Variants in CDKN1B observed in about 807,000 individuals in gnomAD.
CDKN1B encodes cyclin-dependent kinase inhibitor 1B.
A neutral mutation model predicts 17.1 loss-of-function variants in CDKN1B; 7 were observed. That is an observed-to-expected ratio of 0.41 (90% CI 0.23 to 0.77). The LOEUF (loss-of-function observed/expected upper bound fraction) is 0.77. Ranked by LOEUF, CDKN1B falls within the 30% of genes least tolerant of loss-of-function variation. The pLI is 0.33. For missense variants in CDKN1B, 337 were observed against 262.0 expected, an observed-to-expected ratio of 1.29 and a Z score of -1.98; for synonymous variants, 149 against 104.3, an observed-to-expected ratio of 1.43 and a Z score of -2.61.
rs1367446982 is a variant in CDKN1B, at chr12:12,717,920, G to A, written c.81G>A (p.Ser27=). The part of the protein sequence containing the change: ...DARQAEHPKP[S]ACRNLFGPVD... Reference sequence around the variant, plus strand: ...GGCAGGCGGAGCACCCCAAGCCCTCGGCCTGCAGGAACCTCTTCGGCCCGG... The same window carrying A: ...GGCAGGCGGAGCACCCCAAGCCCTCAGCCTGCAGGAACCTCTTCGGCCCGG... Residue 27 remains serine, a synonymous_variant, in exon 1 of 3, where the codon TCG becomes TCA. Transcript: ENST00000228872. 6.2e-7 allele frequency: 1 copy of A among 1,614,208 alleles called. No homozygotes were observed. Among genetic ancestry groups the A allele is most frequent in the Non-Finnish European group, 8.5e-7 (1 of 1,180,042 alleles).
At position 12,717,686 on chromosome 12, in the gene CDKN1B, T is replaced by C. The variant is rs1300505886; in HGVS notation, c.-154T>C. ...CGCAGCCCCTGCGCGCTCCTAGAGC[T>C]CGGGCCGTGGCTCGTCGGGGTCTGT... On this transcript the variant is annotated 5_prime_UTR_variant, in exon 1 of 3. Coordinates refer to ENST00000228872, the MANE Select transcript of CDKN1B (RefSeq NM_004064.5). The C allele has an allele frequency of 1.3e-6, 2 of 1,530,362 alleles. No homozygotes were observed. Among genetic ancestry groups the C allele is most frequent in the Admixed American group, 4.0e-5 (2 of 49,834 alleles). The allele number at this position is 1,530,362 out of a possible 1,614,324, so 94.8% of individuals were successfully genotyped here.
At position 12,718,171 on chromosome 12, in the gene CDKN1B, G is replaced by A. The variant is rs751007940; in HGVS notation, c.332G>A (p.Gly111Glu). 4 of 1,613,218 alleles carry A rather than the reference G, an allele frequency of 2.5e-6. No homozygotes were observed. The African/African-American group carries it at 4.0e-5, about 16-fold the overall frequency. Reference sequence around the variant, plus strand: ...GCGCAGGAGAGCCAGGATGTCAGCGGGAGCCGCCCGGCGGCGCCTTTAATT... The same window carrying A: ...GCGCAGGAGAGCCAGGATGTCAGCGAGAGCCGCCCGGCGGCGCCTTTAATT... ...VPAQESQDVSGSRPAAPLIGA... is the reference protein window; with the variant it reads ...VPAQESQDVSESRPAAPLIGA... The change falls in exon 1 of 3, where the codon GGG (glycine) becomes GAG (glutamate). Residue 111 changes from glycine to glutamate, a missense_variant. Coordinates refer to ENST00000228872, the MANE Select transcript of CDKN1B (RefSeq NM_004064.5).
In CDKN1B at chr12:12,719,201, G is replaced by A; in HGVS notation, c.*8+247G>A. 3 of 490,304 alleles carry A rather than the reference G, an allele frequency of 6.1e-6. No homozygotes were observed. In the South Asian group the frequency reaches 6.4e-5, roughly 10 times the overall value. The allele number at this position is 490,304 out of a possible 1,614,324, so 30.4% of individuals were successfully genotyped here. On this transcript the variant is annotated intron_variant, in intron 2 of 2. Transcript: ENST00000228872. ...CTACTTGTAACCCAGGCCCCATCGG[G>A]TAGGAAGGTCGTTTCCCTGTGAGTC...
rs1412064500 is a variant in CDKN1B at position 12,722,107 on chromosome 12, CTGTAA to C, written c.*1081_*1085del. On this transcript the variant is annotated 3_prime_UTR_variant, in exon 3 of 3. Transcript: ENST00000228872. ...TTGAAGTGTACCTGTGTACATAACTCTGTAAAAACACTGAAAAATTATACTAACTT... is the reference window on the plus strand; with the variant it reads ...TTGAAGTGTACCTGTGTACATAACTCAAACACTGAAAAATTATACTAACTT... 1 of 152,312 alleles carries C rather than the reference CTGTAA, an allele frequency of 6.6e-6. No individual in the cohort carries two copies. The highest frequency in any genetic ancestry group is 2.4e-5 in the African/African-American group (1 of 41,424). The allele number at this position is 152,312 out of a possible 1,614,324, so 9.4% of individuals were successfully genotyped here. A position where few individuals can be genotyped will look rare whatever the true frequency, so the allele number is the denominator to read the frequency against.
rs760437244 is a variant in CDKN1B at position 12,721,858 on chromosome 12, A to C, written c.*831A>C. On this transcript the variant is annotated 3_prime_UTR_variant, in exon 3 of 3. Coordinates refer to ENST00000228872, the MANE Select transcript of CDKN1B (RefSeq NM_004064.5). The stretch of plus-strand genomic sequence containing the variant: ...TTTTCACTTCGGGCTGTGTAAACAC[A>C]GTCAAAATAATTCTAAATCCCTCGA... 1.5e-4 allele frequency: 23 copies of C among 152,258 alleles called. No individual in the cohort carries two copies. The highest frequency in any genetic ancestry group is 2.8e-4 in the Non-Finnish European group (19 of 68,032). 9.4% of individuals were successfully genotyped at this position (152,258 alleles called of 1,614,324 possible).
chr12:12,719,250 T>C, intron 2 of CDKN1B: 1 of 393,876 alleles, frequency 2.5e-6, no homozygotes, highest in South Asian at 2.4e-5. Context: ...TTGGGAGCAA[T>C]AGGTTCTTTG....
chr12:12,718,558 C>T (rs1186484408), intron 1 of CDKN1B, among the ~76,000 whole-genome samples: 2 of 152,168 alleles, frequency 1.3e-5, no homozygotes, highest in Non-Finnish European at 2.9e-5. Flanking sequence ...CTCTCACTAG[C>T]AACTCCTAGG....
chr12:12,720,624 C>T (rs1946533057), intron 2 of CDKN1B, among the ~76,000 whole-genome samples: 1 of 152,164 alleles, frequency 6.6e-6, no homozygotes, highest in African/African-American at 2.4e-5. Context: ...GGTTTCTCAG[C>T]CTCTGCACTA....
rs1173756169 is a variant in CDKN1B, at chr12:12,719,263, C to T, written c.*8+309C>T. Reference sequence around the variant, plus strand: ...TGTTGGGAGCAATAGGTTCTTTGCCCATCCGAACAAGAACTAGGGTACTCC... The same window carrying T: ...TGTTGGGAGCAATAGGTTCTTTGCCTATCCGAACAAGAACTAGGGTACTCC... On this transcript the variant is annotated intron_variant, in intron 2 of 2. Transcript: ENST00000228872. 1.1e-5 allele frequency: 4 copies of T among 356,994 alleles called. No individual in the cohort carries two copies. The East Asian group carries it at 2.5e-4, about 23-fold the overall frequency. The allele number at this position is 356,994 out of a possible 1,614,324, so 22.1% of individuals were successfully genotyped here.
intron 2 of CDKN1B, among the ~76,000 whole-genome samples, chr12:12,720,688 G>A (rs1237341073): frequency 1.3e-5 from 2 of 152,150 alleles, no homozygotes; most frequent in Non-Finnish European, 2.9e-5. Flanking sequence ...GTGTGTTTTA[G>A]ATTGTTTGGA....
chr12:12,718,113 C>A lies in CDKN1B; in HGVS notation c.274C>A (p.Pro92Thr). ...GSLPEFYYRP[P>T]RPPKGACKVP... ...CTTGCCCGAGTTCTACTACAGACCC[C>A]CGCGGCCCCCCAAAGGTGCCTGCAA... The change falls in exon 1 of 3, where the codon CCG becomes ACG. Residue 92 changes from proline to threonine, a missense_variant. Pro to Thr is a conservative substitution (Grantham distance 38). Transcript: ENST00000228872. The A allele has an allele frequency of 6.2e-7, 1 of 1,614,238 alleles. No individual in the cohort carries two copies.
rs766901538 is a variant in CDKN1B at position 12,718,118 on chromosome 12, G to A, written c.279G>A (p.Arg93=). The change falls in exon 1 of 3, where the codon CGG becomes CGA. Residue 93 remains arginine (R), a synonymous_variant. Coordinates refer to ENST00000228872, the MANE Select transcript of CDKN1B (RefSeq NM_004064.5). Reference sequence around the variant, plus strand: ...CCGAGTTCTACTACAGACCCCCGCGGCCCCCCAAAGGTGCCTGCAAGGTGC... The same window carrying A: ...CCGAGTTCTACTACAGACCCCCGCGACCCCCCAAAGGTGCCTGCAAGGTGC... ...SLPEFYYRPP[R]PPKGACKVPA... 10 of 1,614,042 alleles carry A rather than the reference G, an allele frequency of 6.2e-6. No homozygotes were observed. Among genetic ancestry groups the A allele is most frequent in the Non-Finnish European group, 8.5e-6 (10 of 1,180,054 alleles).
rs925718153 is a variant in CDKN1B at position 12,717,477 on chromosome 12, T to G, written c.-363T>G. The G allele has an allele frequency of 8.2e-6, 11 of 1,339,800 alleles. No individual in the cohort carries two copies. In the African/African-American group the frequency reaches 1.6e-4, roughly 20 times the overall value. The allele number at this position is 1,339,800 out of a possible 1,614,324, so 83.0% of individuals were successfully genotyped here. A position where few individuals can be genotyped will look rare whatever the true frequency, so the allele number is the denominator to read the frequency against. On this transcript the variant is annotated 5_prime_UTR_variant, in exon 1 of 3. Coordinates refer to ENST00000228872, the MANE Select transcript of CDKN1B (RefSeq NM_004064.5). ...CCCTGTCCCCGCTTGCTCACGGCTC[T>G]GCGACTCCGACGCCGGCAAGGTTTG...
At chr12:12,718,337 A>G in intron 1 of CDKN1B, 23 bp downstream of exon 1, 5 of 1,595,002 alleles carry the variant, frequency 3.1e-6, no homozygotes, top group Non-Finnish European at 4.3e-6. Context: ...TCCCAACCAT[A>G]GAATGTGTTT....
intron 1 of CDKN1B, 114 bp downstream of exon 1, chr12:12,718,428 CT>C (rs1168498196): frequency 1.0e-6 from 1 of 958,300 alleles, no homozygotes. Flanking sequence ...GGAGAGCTAA[CT>C]TTATTGGTCT....
Position 12,718,058 on chromosome 12 carries a change from G to A in CDKN1B, c.219G>A (p.Lys73=), listed in dbSNP as rs573353679. The change falls in exon 1 of 3, where the codon AAG becomes AAA. Residue 73 remains lysine, a synonymous_variant. Coordinates refer to ENST00000228872, the MANE Select transcript of CDKN1B (RefSeq NM_004064.5). The part of the protein sequence containing the change: ...DFQNHKPLEG[K]YEWQEVEKGS... ...AGAATCACAAACCCCTAGAGGGCAA[G>A]TACGAGTGGCAAGAGGTGGAGAAGG... 4.3e-6 allele frequency: 7 copies of A among 1,614,274 alleles called. No individual in the cohort carries two copies. The highest frequency in any genetic ancestry group is 4.5e-5 in the East Asian group (2 of 44,888).
Position 12,718,187 on chromosome 12 carries a change from G to A in CDKN1B, c.348G>A (p.Ala116=), listed in dbSNP as rs1365789536. Residue 116 remains alanine, a synonymous_variant, in exon 1 of 3, where the codon GCG becomes GCA. Coordinates refer to ENST00000228872, the MANE Select transcript of CDKN1B (RefSeq NM_004064.5). ...ATGTCAGCGGGAGCCGCCCGGCGGC[G>A]CCTTTAATTGGGGCTCCGGCTAACT... The part of the protein sequence containing the change: ...SQDVSGSRPA[A]PLIGAPANSE... The A allele has an allele frequency of 4.3e-6, 7 of 1,612,906 alleles. No homozygotes were observed. Among genetic ancestry groups the A allele is most frequent in the South Asian group, 3.3e-5 (3 of 91,086 alleles).
chr12:12,718,091 G>C lies in CDKN1B; in HGVS notation c.252G>C (p.Leu84Phe), dbSNP rs778436220. The change falls in exon 1 of 3, where the codon TTG becomes TTC. Residue 84 changes from leucine to phenylalanine, a missense_variant. Leu to Phe is a conservative substitution (Grantham distance 22). Transcript: ENST00000228872. Reference protein sequence around the residue: ...YEWQEVEKGSLPEFYYRPPRP... With the variant: ...YEWQEVEKGSFPEFYYRPPRP... ...GGCAAGAGGTGGAGAAGGGCAGCTT[G>C]CCCGAGTTCTACTACAGACCCCCGC... is the stretch of plus-strand genomic sequence containing the variant. 21 of 1,614,216 alleles carry C rather than the reference G, an allele frequency of 1.3e-5. No individual in the cohort carries two copies. The highest frequency in any genetic ancestry group is 2.2e-5 in the East Asian group (1 of 44,878).
At position 12,721,124 on chromosome 12, in the gene CDKN1B, G is replaced by T. The variant is rs114975362; in HGVS notation, c.*97G>T. The T allele has an allele frequency of 1.3e-6, 1 of 773,196 alleles. No individual in the cohort carries two copies. Among genetic ancestry groups the T allele is most frequent in the Non-Finnish European group, 2.4e-6 (1 of 414,850 alleles). The allele number at this position is 773,196 out of a possible 1,614,324, so 47.9% of individuals were successfully genotyped here. A position where few individuals can be genotyped will look rare whatever the true frequency, so the allele number is the denominator to read the frequency against. On this transcript the variant is annotated 3_prime_UTR_variant, in exon 3 of 3. Coordinates refer to ENST00000228872, the MANE Select transcript of CDKN1B (RefSeq NM_004064.5). ...CATGAAAATTTTAAAAATACATATC[G>T]CTGACTTCATGGAATGGACATCCTG...
Sources: allele counts gnomAD v4.1 joint callset (sites outside exome capture counted in the v4.1 genomes callset), GRCh38; gene constraint gnomAD v4.1.1; transcripts MANE v1.5; gene names NCBI Gene and HGNC (gene_info 2026-07-23, HGNC 2026-07-21).